RNF216: variants seen among roughly 807,000 people sequenced by gnomAD.
The protein encoded by RNF216 is ring finger protein 216.
RNF216 carries 72 observed loss-of-function variants against 110.8 expected under a neutral mutation model. That is an observed-to-expected ratio of 0.65 (90% CI 0.54 to 0.79). The LOEUF is 0.79. Among genes scored for constraint, RNF216 ranks in the 30% least tolerant of loss-of-function variants. The probability of loss-of-function intolerance (pLI) is 0.00; values close to 1 mark genes in which losing one functional copy is unlikely to be tolerated. For missense variants in RNF216, 1,342 were observed against 1,141.2 expected (o/e 1.18, Z -2.54); for synonymous variants, 495 against 407.5 (o/e 1.21, Z -2.59).
chr7:5,747,065 G>A (rs1329978749), intron 3 of RNF216, among the ~76,000 whole-genome samples: 1 of 152,162 alleles, frequency 6.6e-6, no homozygotes, highest in East Asian at 1.9e-4. Flanking sequence ...CATTTTACCT[G>A]AATACTGCAT....
intron 1 of RNF216, among the ~76,000 whole-genome samples, chr7:5,767,253 A>C (rs1356140013): frequency 6.6e-6 from 1 of 152,230 alleles, no homozygotes; most frequent in Non-Finnish European, 1.5e-5. Flanking sequence ...AAAAATGAGA[A>C]GCACATCAGG....
intron 1 of RNF216, among the ~76,000 whole-genome samples, chr7:5,768,294 G>A (rs1209839255): frequency 4.3e-5 from 5 of 116,712 alleles, no homozygotes; most frequent in African/African-American, 9.8e-5. Context: ...CTATTAGGGG[G>A]AAAAAAAAAA....
At chr7:5,681,464 T>C (rs1043223816) in intron 13 of RNF216, among the ~76,000 whole-genome samples, 1 of 152,226 alleles carries the variant, frequency 6.6e-6, no homozygotes, top group Non-Finnish European at 1.5e-5. Flanking sequence ...AGGAAATCTG[T>C]AGCCCTGACC....
intron 3 of RNF216, among the ~76,000 whole-genome samples, chr7:5,744,151 T>C (rs1347717111): frequency 2.0e-5 from 3 of 152,082 alleles, no homozygotes; most frequent in Non-Finnish European, 2.9e-5. Context: ...AAGACTAGAT[T>C]GAGAACTGCA....
In RNF216 at chr7:5,668,248, A is replaced by C. The variant is rs1789657325; in HGVS notation, c.2062-15738T>G. On this transcript the variant is annotated intron_variant, in intron 13 of 16. Transcript: ENST00000389902. ...ACTTTTTTTTTTTTTTTTGAGATGGAGTCTCGCTCCGTTGGCCCCGGCTGG... is the reference window on the plus strand; with the variant it reads ...ACTTTTTTTTTTTTTTTTGAGATGGCGTCTCGCTCCGTTGGCCCCGGCTGG... Among the ~76,000 whole-genome samples, 3 of 137,916 alleles carry C rather than the reference A, an allele frequency of 2.2e-5. No homozygotes were observed. The Admixed American group carries it at 2.2e-4, about 10-fold the overall frequency. 90.5% of individuals were successfully genotyped at this position (137,916 alleles called of 152,430 possible).
At chr7:5,694,664 G>C (rs772899066) in intron 13 of RNF216, among the ~76,000 whole-genome samples, 1 of 152,210 alleles carries the variant, frequency 6.6e-6, no homozygotes, top group Non-Finnish European at 1.5e-5. Flanking sequence ...TTGAGGACCT[G>C]CCTGCCCTGG....
chr7:5,746,743 T>C (rs1795050559), intron 3 of RNF216, among the ~76,000 whole-genome samples: 1 of 152,214 alleles, frequency 6.6e-6, no homozygotes, highest in Non-Finnish European at 1.5e-5. Flanking sequence ...ATAAAACTTC[T>C]GGCTCCAGAA....
chr7:5,645,176 G>A (rs1015972744), intron 14 of RNF216, among the ~76,000 whole-genome samples: 1 of 151,982 alleles, frequency 6.6e-6, no homozygotes, highest in African/African-American at 2.4e-5. Context: ...TATGTCTTTG[G>A]TCTTGAACAG....
At chr7:5,637,432 T>C in intron 15 of RNF216, among the ~76,000 whole-genome samples, 1 of 152,230 alleles carries the variant, frequency 6.6e-6, no homozygotes. Flanking sequence ...TTATCCCAGC[T>C]TCCCACCCAG....
intron 13 of RNF216, among the ~76,000 whole-genome samples, chr7:5,660,265 CTTTTTTTTTTTTTTTTTTTTTTTTTTTT>C (rs66617363): frequency 0.014 from 474 of 33,640 alleles, 7 homozygotes; most frequent in Non-Finnish European, 0.023. Context: ...GTTTTAAATT[CTTTTTTTTTTTTTTTTTTTTTTTTTTTT>C]TTTTTTTTTT....
chr7:5,625,886 G>C (rs1032391772), intron 15 of RNF216, among the ~76,000 whole-genome samples: 1 of 152,212 alleles, frequency 6.6e-6, no homozygotes, highest in African/African-American at 2.4e-5. Flanking sequence ...CTAGGCCTCA[G>C]ATGCCAAGTG....
Position 5,696,219 on chromosome 7 carries a change from G to C in RNF216, c.2061+15542C>G, listed in dbSNP as rs1180942063. 1.3e-5 allele frequency among the ~76,000 whole-genome samples: 2 copies of C among 152,164 alleles called. No individual in the cohort carries two copies. The highest frequency in any genetic ancestry group is 2.9e-5 in the Non-Finnish European group (2 of 68,036). On this transcript the variant is annotated intron_variant, in intron 13 of 16. Transcript: ENST00000389902. This position sits in a 1 kb window ranked among gnomAD's most constrained non-coding sequence, Gnocchi z 5.4. ...TAAATTGTTTGTATTTCTGTCAGGA[G>C]GCCCATGGAAAAAAAGCAGGGCTCT...
chr7:5,659,582 T>C (rs879680394), intron 13 of RNF216, among the ~76,000 whole-genome samples: 9 of 152,146 alleles, frequency 5.9e-5, no homozygotes, highest in Admixed American at 3.9e-4. Flanking sequence ...AAGCATCTGG[T>C]TGACATTTCA....
intron 1 of RNF216, among the ~76,000 whole-genome samples, chr7:5,765,372 G>A (rs73048722): frequency 6.6e-5 from 10 of 152,000 alleles, no homozygotes; most frequent in Non-Finnish European, 1.0e-4. Flanking sequence ...GCTGAGGTAA[G>A]AGAATTGCTT....
At chr7:5,662,885 T>G (rs902080960) in intron 13 of RNF216, among the ~76,000 whole-genome samples, 2 of 151,794 alleles carry the variant, frequency 1.3e-5, no homozygotes, top group Non-Finnish European at 2.9e-5. Flanking sequence ...GGCTATCTGG[T>G]AGAGAAGCGT....
At chr7:5,714,973 T>C in intron 11 of RNF216, 80 bp downstream of exon 11, 1 of 1,378,726 alleles carries the variant, frequency 7.3e-7, no homozygotes, top group Non-Finnish European at 9.9e-7. Context: ...AAAGAGGCAC[T>C]TACACTTATC....
At chr7:5,752,645 C>T (rs1218527474) in intron 3 of RNF216, among the ~76,000 whole-genome samples, 1 of 152,078 alleles carries the variant, frequency 6.6e-6, no homozygotes, top group African/African-American at 2.4e-5. Flanking sequence ...TCAGATGGAA[C>T]AATGGTGCAG....
At chr7:5,665,000 G>A (rs1203647733) in intron 13 of RNF216, among the ~76,000 whole-genome samples, 3 of 152,196 alleles carry the variant, frequency 2.0e-5, no homozygotes, top group East Asian at 1.9e-4. Context: ...GTTTCACCAC[G>A]TTGGCCAGGC....
At chr7:5,698,864 CTGTTA>C (rs1213541228) in intron 13 of RNF216, among the ~76,000 whole-genome samples, 17 of 152,134 alleles carry the variant, frequency 1.1e-4, no homozygotes, top group Admixed American at 1.1e-3. Context: ...TAACATTTTC[CTGTTA>C]TGTTGCACAT....
Sources: allele counts gnomAD v4.1 joint callset (sites outside exome capture counted in the v4.1 genomes callset), GRCh38; gene constraint gnomAD v4.1.1; non-coding constraint Gnocchi (gnomAD v3.1); transcripts MANE v1.5; gene names NCBI Gene and HGNC (gene_info 2026-07-23, HGNC 2026-07-21).